Variants in CDH20 observed in about 807,000 individuals in gnomAD.
CDH20 encodes cadherin 20, also known as cadherin-20.
Under a neutral mutation model 74.2 loss-of-function variants are expected in CDH20, and 29 were observed. The observed-to-expected ratio is 0.39, with a 90% CI of 0.29 to 0.53. The LOEUF (loss-of-function observed/expected upper bound fraction) is 0.53, where lower values mean the gene tolerates loss of function less well. Among genes scored for constraint, CDH20 ranks in the 20% least tolerant of loss-of-function variants. The pLI is 0.69. For synonymous variants in CDH20, 469 were observed against 405.4 expected (o/e 1.16, Z -1.88); for missense variants, 988 against 1,048.3 (o/e 0.94, Z 0.79).
intron 1 of CDH20, among the ~76,000 whole-genome samples, chr18:61,393,355 C>T (rs1911857135): frequency 6.6e-6 from 1 of 152,178 alleles, no homozygotes; most frequent in Non-Finnish European, 1.5e-5. Flanking sequence ...GCTCCTAACT[C>T]AACACTGTAT....
chr18:61,351,070 G>A (rs188654948), intron 1 of CDH20, among the ~76,000 whole-genome samples: 7 of 152,260 alleles, frequency 4.6e-5, no homozygotes, highest in African/African-American at 1.4e-4. Context: ...TAGTTTGATG[G>A]CACTGATGGT....
chr18:61,515,606 A>G (rs546825449), intron 6 of CDH20, among the ~76,000 whole-genome samples: 1 of 151,836 alleles, frequency 6.6e-6, no homozygotes, highest in Admixed American at 6.6e-5. Flanking sequence ...GCCATAAAAA[A>G]TGATGAGTTC....
At chr18:61,467,352 C>A (rs1189425233) in intron 1 of CDH20, among the ~76,000 whole-genome samples, 2 of 152,102 alleles carry the variant, frequency 1.3e-5, no homozygotes, top group Non-Finnish European at 2.9e-5. Flanking sequence ...AATGAAGAAA[C>A]ATATTTATGG....
chr18:61,358,277 G>T (rs1304608643), intron 1 of CDH20, among the ~76,000 whole-genome samples: 1 of 151,304 alleles, frequency 6.6e-6, no homozygotes, highest in Non-Finnish European at 1.5e-5. Flanking sequence ...ACCACACCCA[G>T]CTAATTTTTG....
At chr18:61,483,427 G>A (rs1910658033) in intron 1 of CDH20, among the ~76,000 whole-genome samples, 1 of 152,070 alleles carries the variant, frequency 6.6e-6, no homozygotes, top group Admixed American at 6.5e-5. Context: ...TGTAAACTGA[G>A]GAAACAAAAC....
At chr18:61,415,081 G>A (rs988200536) in intron 1 of CDH20, among the ~76,000 whole-genome samples, 2 of 152,030 alleles carry the variant, frequency 1.3e-5, no homozygotes, top group African/African-American at 2.4e-5. Flanking sequence ...GATGTGATGT[G>A]TTTCCCCAAC....
At chr18:61,545,168 T>C (rs1302332968) in intron 10 of CDH20, 24 bp downstream of exon 10, 1 of 1,463,512 alleles carries the variant, frequency 6.8e-7, no homozygotes, top group East Asian at 2.3e-5. Flanking sequence ...TGGTTGGCTA[T>C]CTGTGCTTTT....
intron 10 of CDH20, 134 bp downstream of exon 10, chr18:61,545,278 ATT>A (rs5825448): frequency 0.25 from 114,055 of 461,744 alleles, 291 homozygotes; most frequent in South Asian, 0.32. Context: ...AATTCAGTGT[ATT>A]TTTTTTTTTT....
intron 1 of CDH20, among the ~76,000 whole-genome samples, chr18:61,399,919 T>G (rs1393699269): frequency 6.6e-6 from 1 of 152,204 alleles, no homozygotes; most frequent in Non-Finnish European, 1.5e-5. Context: ...ATTCTGTCAG[T>G]TTTAATTGAA....
chr18:61,467,486 AC>A (rs1272301157), intron 1 of CDH20, among the ~76,000 whole-genome samples: 4 of 152,162 alleles, frequency 2.6e-5, no homozygotes, highest in Non-Finnish European at 5.9e-5. Context: ...AGAGTTTGCA[AC>A]TTCAATCACT....
At chr18:61,486,762 C>T (rs1194477942) in intron 1 of CDH20, among the ~76,000 whole-genome samples, 5 of 152,160 alleles carry the variant, frequency 3.3e-5, no homozygotes, top group Non-Finnish European at 7.3e-5. Context: ...ACATCAGAAC[C>T]TTAAAACACC....
rs116270712 is a variant in CDH20 at position 61,372,936 on chromosome 18, C to T, written c.-153+39109C>T. On this transcript the variant is annotated intron_variant, in intron 1 of 11. Coordinates refer to ENST00000262717, the MANE Select transcript of CDH20 (RefSeq NM_031891.4). ...CGTATGACAAAGCCTATGCTATGAA[C>T]GACCTCTCACTGATAGAACGTAATT... 1.6e-3 allele frequency among the ~76,000 whole-genome samples: 244 copies of T among 152,224 alleles called. 1 individual carries two copies. The highest frequency in any genetic ancestry group is 5.6e-3 in the African/African-American group (234 of 41,554).
intron 1 of CDH20, among the ~76,000 whole-genome samples, chr18:61,350,934 CAA>C (rs1910283864): frequency 6.6e-6 from 1 of 152,118 alleles, no homozygotes; most frequent in Non-Finnish European, 1.5e-5. Flanking sequence ...GGGAGGCAGG[CAA>C]ATGTTCTCTT....
Position 61,402,494 on chromosome 18 carries a change from CTA to C in CDH20, c.-153+68668_-153+68669del, listed in dbSNP as rs529645666. Among the ~76,000 whole-genome samples, 6 of 152,280 alleles carry C rather than the reference CTA, an allele frequency of 3.9e-5. No homozygotes were observed. The East Asian group carries it at 1.2e-3, about 29-fold the overall frequency. ...TTCATGAAATACATCCCTTGATTCC[CTA>C]ATGTCATCCTCTTTATGAACCAGAT... On this transcript the variant is annotated intron_variant, in intron 1 of 11. Coordinates refer to ENST00000262717, the MANE Select transcript of CDH20 (RefSeq NM_031891.4).
intron 1 of CDH20, among the ~76,000 whole-genome samples, chr18:61,410,805 A>G (rs1912468722): frequency 6.6e-6 from 1 of 152,246 alleles, no homozygotes; most frequent in Non-Finnish European, 1.5e-5. Context: ...AACATATGTA[A>G]GTATTTTTAT....
chr18:61,503,896 G>A (rs1400910406), intron 5 of CDH20, among the ~76,000 whole-genome samples: 1 of 152,094 alleles, frequency 6.6e-6, no homozygotes, highest in Non-Finnish European at 1.5e-5. Flanking sequence ...TTCCAGAAGG[G>A]GAAGTCATTC....
intron 6 of CDH20, among the ~76,000 whole-genome samples, chr18:61,512,791 G>A (rs1371793896): frequency 1.3e-5 from 2 of 152,072 alleles, no homozygotes; most frequent in Non-Finnish European, 2.9e-5. Flanking sequence ...AGGTTGTTCA[G>A]TTTCCATGTA....
chr18:61,393,569 G>T (rs1017270222), intron 1 of CDH20, among the ~76,000 whole-genome samples: 71 of 152,216 alleles, frequency 4.7e-4, no homozygotes, highest in African/African-American at 1.6e-3. Flanking sequence ...AGTGTATTTT[G>T]GCATCAAATA....
chr18:61,354,317 C>A (rs1416089140), intron 1 of CDH20, among the ~76,000 whole-genome samples: 2 of 152,126 alleles, frequency 1.3e-5, no homozygotes, highest in Non-Finnish European at 2.9e-5. Flanking sequence ...CAAATTAAAA[C>A]CCCTAGGTCT....
Sources: allele counts gnomAD v4.1 joint callset (sites outside exome capture counted in the v4.1 genomes callset), GRCh38; gene constraint gnomAD v4.1.1; transcripts MANE v1.5; gene names NCBI Gene and HGNC (gene_info 2026-07-23, HGNC 2026-07-21).